LDAH: variants seen among roughly 807,000 people sequenced by gnomAD.
LDAH encodes lipid droplet associated hydrolase, also known as lipid droplet-associated hydrolase.
In LDAH, 26 loss-of-function variants were observed where a neutral mutation model predicts 29.6. The observed-to-expected ratio is 0.88, with a 90% CI of 0.64 to 1.22. The LOEUF (loss-of-function observed/expected upper bound fraction) is 1.22, where lower values mean the gene tolerates loss of function less well. Ranked by LOEUF, LDAH falls within the 50% of genes most tolerant of loss-of-function variation. The pLI, the probability that LDAH is intolerant of heterozygous loss-of-function variation, is 0.00. For synonymous variants in LDAH, 117 were observed against 133.0 expected, an observed-to-expected ratio of 0.88 and a Z score of 0.83; for missense variants, 344 against 387.3, an observed-to-expected ratio of 0.89 and a Z score of 0.94.
intron 5 of LDAH, among the ~76,000 whole-genome samples, chr2:20,728,794 C>T (rs1209485836): frequency 6.6e-6 from 1 of 151,576 alleles, no homozygotes; most frequent in Non-Finnish European, 1.5e-5. Context: ...CCCAAGGTTA[C>T]ACACACTGGG....
intron 2 of LDAH, among the ~76,000 whole-genome samples, chr2:20,790,622 C>T (rs1216401679): frequency 3.3e-5 from 5 of 152,118 alleles, no homozygotes; most frequent in Non-Finnish European, 7.3e-5. Context: ...AGTCTAAAAT[C>T]AGTAATACTG....
At chr2:20,713,277 T>C (rs535312205) in intron 5 of LDAH, among the ~76,000 whole-genome samples, 7 of 152,326 alleles carry the variant, frequency 4.6e-5, no homozygotes, top group African/African-American at 1.4e-4. Flanking sequence ...GAATTTCATA[T>C]ACAGCCAAAC....
intron 3 of LDAH, among the ~76,000 whole-genome samples, chr2:20,789,964 T>A (rs1375116041): frequency 1.3e-5 from 2 of 152,146 alleles, no homozygotes; most frequent in African/African-American, 4.8e-5. Flanking sequence ...CCACCATTCC[T>A]CCTAGAACAA....
intron 3 of LDAH, among the ~76,000 whole-genome samples, chr2:20,787,051 G>C (rs1670603767): frequency 6.6e-6 from 1 of 152,140 alleles, no homozygotes; most frequent in Admixed American, 6.5e-5. Context: ...CCAAGAATAG[G>C]CTTGCAGAAG....
At chr2:20,740,462 C>T (rs1667097850) in intron 4 of LDAH, among the ~76,000 whole-genome samples, 1 of 152,110 alleles carries the variant, frequency 6.6e-6, no homozygotes, top group South Asian at 2.1e-4. Flanking sequence ...GTGTGCACCA[C>T]CATGCCTGGC....
intron 5 of LDAH, among the ~76,000 whole-genome samples, chr2:20,710,648 C>CAT (rs1326006127): frequency 3.7e-5 from 5 of 136,698 alleles, no homozygotes; most frequent in Admixed American, 7.6e-5. Flanking sequence ...ATATAGTATA[C>CAT]ATATATATAC....
chr2:20,694,991 C>A (rs13010056), intron 6 of LDAH, among the ~76,000 whole-genome samples: 32 of 152,346 alleles, frequency 2.1e-4, no homozygotes, highest in African/African-American at 6.5e-4. Context: ...AGGCCCTGAG[C>A]GCCAGTCTCC....
chr2:20,685,048 A>C lies in LDAH; in HGVS notation c.*1855T>G. On this transcript the variant is annotated 3_prime_UTR_variant, in exon 7 of 7. Transcript: ENST00000237822. ...CCCAACACAGAGATCAGGCCAGACC[A>C]GGTCAGAAATGCTGGTAAAACATTT... is the stretch of plus-strand genomic sequence containing the variant. The C allele has an allele frequency of 8.4e-7, 1 of 1,185,546 alleles. No homozygotes were observed. The highest frequency in any genetic ancestry group is 1.1e-6 in the Non-Finnish European group (1 of 889,952). 73.4% of individuals were successfully genotyped at this position (1,185,546 alleles called of 1,614,324 possible). A position where few individuals can be genotyped will look rare whatever the true frequency, so the allele number is the denominator to read the frequency against.
intron 5 of LDAH, among the ~76,000 whole-genome samples, chr2:20,724,122 C>T (rs546594960): frequency 6.6e-6 from 1 of 152,306 alleles, no homozygotes; most frequent in South Asian, 2.1e-4. Flanking sequence ...TCCAAGTACA[C>T]ATAATCCATA....
At chr2:20,708,145 A>G (rs1038330126) in intron 5 of LDAH, among the ~76,000 whole-genome samples, 3 of 152,234 alleles carry the variant, frequency 2.0e-5, no homozygotes, top group Non-Finnish European at 4.4e-5. Flanking sequence ...AATGGAAATA[A>G]AGTACACAAT....
intron 2 of LDAH, among the ~76,000 whole-genome samples, chr2:20,800,621 T>A: frequency 7.4e-6 from 1 of 135,902 alleles, no homozygotes; most frequent in East Asian, 1.9e-4. Context: ...ATTTTTATTT[T>A]TTTATTTTTT....
chr2:20,787,876 T>C (rs1192397772), intron 3 of LDAH, among the ~76,000 whole-genome samples: 2 of 152,226 alleles, frequency 1.3e-5, no homozygotes, highest in African/African-American at 2.4e-5. Flanking sequence ...TGGTCCCTTG[T>C]GCTGCTATTC....
At chr2:20,772,529 C>T (rs1162469961) in intron 4 of LDAH, among the ~76,000 whole-genome samples, 1 of 152,200 alleles carries the variant, frequency 6.6e-6, no homozygotes, top group Non-Finnish European at 1.5e-5. Context: ...ATGGGGTATG[C>T]AGCTCTGAGG....
chr2:20,689,309 T>C (rs1016971009), intron 6 of LDAH, among the ~76,000 whole-genome samples: 1 of 152,172 alleles, frequency 6.6e-6, no homozygotes, highest in Non-Finnish European at 1.5e-5. Context: ...TCTCCTACTT[T>C]TCCTCACTCC....
At chr2:20,819,724 C>T (rs1673115902) in intron 1 of LDAH, among the ~76,000 whole-genome samples, 1 of 152,132 alleles carries the variant, frequency 6.6e-6, no homozygotes, top group African/African-American at 2.4e-5. Context: ...TGCCCTCTCT[C>T]ACCACTCCTA....
intron 4 of LDAH, among the ~76,000 whole-genome samples, chr2:20,757,582 G>A (rs1668417823): frequency 6.6e-6 from 1 of 152,124 alleles, no homozygotes; most frequent in Non-Finnish European, 1.5e-5. Flanking sequence ...CAGCTTGACT[G>A]GGCCACAGGG....
At chr2:20,791,520 A>G (rs574250557) in intron 2 of LDAH, among the ~76,000 whole-genome samples, 4 of 152,360 alleles carry the variant, frequency 2.6e-5, no homozygotes, top group African/African-American at 9.6e-5. Flanking sequence ...CTTCTGTTGC[A>G]TTCTGACCTA....
Position 20,725,068 on chromosome 2 carries a change from C to A in LDAH, c.703+14903G>T, listed in dbSNP as rs956801653. 6.6e-5 allele frequency among the ~76,000 whole-genome samples: 10 copies of A among 152,156 alleles called. 1 individual carries two copies. The highest frequency in any genetic ancestry group is 2.4e-4 in the African/African-American group (10 of 41,430). On this transcript the variant is annotated intron_variant, in intron 5 of 6. Transcript: ENST00000237822. Reference sequence around the variant, plus strand: ...TTGGTCTATGGTGACTGAGATACTACTTCTAGTCACTTTGATCTTATTTAA... The same window carrying A: ...TTGGTCTATGGTGACTGAGATACTAATTCTAGTCACTTTGATCTTATTTAA...
chr2:20,808,198 G>A (rs540480465), intron 1 of LDAH, among the ~76,000 whole-genome samples: 1 of 152,250 alleles, frequency 6.6e-6, no homozygotes, highest in African/African-American at 2.4e-5. Context: ...ATTAAATAAC[G>A]AGGGGACAAA....
Sources: allele counts gnomAD v4.1 joint callset (sites outside exome capture counted in the v4.1 genomes callset), GRCh38; gene constraint gnomAD v4.1.1; transcripts MANE v1.5; gene names NCBI Gene and HGNC (gene_info 2026-07-23, HGNC 2026-07-21).